Variants in SETBP1 observed in about 807,000 individuals in gnomAD.
SETBP1 encodes the protein SET-binding protein.
A neutral mutation model predicts 101.0 loss-of-function variants in SETBP1; 9 were observed. That is an observed-to-expected ratio of 0.09 (90% CI 0.05 to 0.16). The LOEUF (loss-of-function observed/expected upper bound fraction) is 0.16. Among genes scored for constraint, SETBP1 ranks in the 10% least tolerant of loss-of-function variants. The pLI is 1.00. For synonymous variants in SETBP1, 818 were observed against 788.5 expected (o/e 1.04, Z -0.63); for missense variants, 1,858 against 2,033.8 (o/e 0.91, Z 1.66).
chr18:44,983,891 T>C (rs1442069446), intron 4 of SETBP1, among the ~76,000 whole-genome samples: 2 of 152,154 alleles, frequency 1.3e-5, no homozygotes, highest in Non-Finnish European at 2.9e-5. Context: ...CTGGCCATCT[T>C]AGAAAAGGTA....
chr18:44,824,620 T>G (rs1221342150), intron 2 of SETBP1, among the ~76,000 whole-genome samples: 1 of 152,228 alleles, frequency 6.6e-6, no homozygotes, highest in Admixed American at 6.5e-5. Flanking sequence ...ATCTTTCATT[T>G]TAAAAGACCC....
intron 4 of SETBP1, among the ~76,000 whole-genome samples, chr18:45,034,982 G>GAA (rs1437462178): frequency 6.7e-6 from 1 of 149,608 alleles, no homozygotes; most frequent in Non-Finnish European, 1.5e-5. Flanking sequence ...ATGCTGGGAA[G>GAA]AAACGTTTCA....
At position 44,993,277 on chromosome 18, in the gene SETBP1, A is replaced by G. The variant is rs192330680; in HGVS notation, c.4000+39937A>G. Among the ~76,000 whole-genome samples the G allele has an allele frequency of 9.9e-5, 15 of 152,216 alleles. No homozygotes were observed. The East Asian group carries it at 2.9e-3, about 29-fold the overall frequency. ...AAAGAGGCCCAATGTTCTCACATCTATTCAAAGTTACATTACAGGTCTCAG... is the reference window on the plus strand; with the variant it reads ...AAAGAGGCCCAATGTTCTCACATCTGTTCAAAGTTACATTACAGGTCTCAG... On this transcript the variant is annotated intron_variant, in intron 4 of 5. Coordinates refer to ENST00000649279, the MANE Select transcript of SETBP1 (RefSeq NM_015559.3).
intron 2 of SETBP1, among the ~76,000 whole-genome samples, chr18:44,792,774 A>G (rs907377315): frequency 3.3e-5 from 5 of 152,144 alleles, no homozygotes; most frequent in Admixed American, 2.6e-4. Context: ...AACAACCTGA[A>G]TACCACACAC....
chr18:44,758,992 A>G (rs2070573445), intron 2 of SETBP1, among the ~76,000 whole-genome samples: 1 of 152,218 alleles, frequency 6.6e-6, no homozygotes, highest in African/African-American at 2.4e-5. Flanking sequence ...TCTACACCCA[A>G]ACTCTCTTCA....
intron 4 of SETBP1, among the ~76,000 whole-genome samples, chr18:44,955,579 T>A (rs2071464445): frequency 6.6e-6 from 1 of 152,226 alleles, no homozygotes; most frequent in African/African-American, 2.4e-5. Flanking sequence ...AGACAGGTAC[T>A]TTTATTCCTA....
At chr18:44,700,717 G>C (rs922554674) in intron 1 of SETBP1, among the ~76,000 whole-genome samples, 1 of 152,138 alleles carries the variant, frequency 6.6e-6, no homozygotes, top group Admixed American at 6.5e-5. Context: ...CAGGCAGCCT[G>C]GGGGTTGTGC....
At position 44,995,243 on chromosome 18, in the gene SETBP1, G is replaced by A. The variant is rs535998832; in HGVS notation, c.4000+41903G>A. The stretch of plus-strand genomic sequence containing the variant: ...TGCAAGCTCCGCCTCCTGGGTTCAC[G>A]CCATTCTCCTGCCTCAGCCTCCCGA... On this transcript the variant is annotated intron_variant, in intron 4 of 5. Transcript: ENST00000649279. Among the ~76,000 whole-genome samples the A allele has an allele frequency of 1.7e-3, 240 of 144,968 alleles. 2 individuals carry two copies. The highest frequency in any genetic ancestry group is 4.3e-3 in the Admixed American group (59 of 13,736).
chr18:44,989,793 C>T lies in SETBP1; in HGVS notation c.4000+36453C>T, dbSNP rs1366387261. On this transcript the variant is annotated intron_variant, in intron 4 of 5. Coordinates refer to ENST00000649279, the MANE Select transcript of SETBP1 (RefSeq NM_015559.3). ...CTGAGGCAGGAGAATGGCGTGAACCCGGGAGGCGGAGCTTGCAGTGAGCCG... is the reference window on the plus strand; with the variant it reads ...CTGAGGCAGGAGAATGGCGTGAACCTGGGAGGCGGAGCTTGCAGTGAGCCG... Among the ~76,000 whole-genome samples, 103 of 138,590 alleles carry T rather than the reference C, an allele frequency of 7.4e-4. 1 individual carries two copies. The highest frequency in any genetic ancestry group is 4.5e-3 in the South Asian group (19 of 4,220). The allele number at this position is 138,590 out of a possible 152,430, so 90.9% of individuals were successfully genotyped here.
intron 2 of SETBP1, among the ~76,000 whole-genome samples, chr18:44,716,864 G>C (rs1296486870): frequency 1.3e-5 from 2 of 152,140 alleles, no homozygotes; most frequent in African/African-American, 2.4e-5. Flanking sequence ...CCTTATCCAG[G>C]TGAGTCATTC....
chr18:44,961,924 A>C (rs2071620555), intron 4 of SETBP1, among the ~76,000 whole-genome samples: 1 of 152,202 alleles, frequency 6.6e-6, no homozygotes, highest in South Asian at 2.1e-4. Context: ...TTATAGATGA[A>C]AGCCTAACTG....
At chr18:44,762,308 C>A (rs2070669726) in intron 2 of SETBP1, among the ~76,000 whole-genome samples, 1 of 152,148 alleles carries the variant, frequency 6.6e-6, no homozygotes, top group Admixed American at 6.5e-5. Flanking sequence ...TTGGTATTAC[C>A]CTAGGCCCTG....
intron 2 of SETBP1, among the ~76,000 whole-genome samples, chr18:44,860,903 T>C (rs1456170380): frequency 1.3e-5 from 2 of 152,212 alleles, no homozygotes; most frequent in African/African-American, 4.8e-5. Flanking sequence ...TTTACAGAGA[T>C]AAGCTGCTTA....
intron 1 of SETBP1, among the ~76,000 whole-genome samples, chr18:44,698,773 A>G (rs1168365538): frequency 1.3e-5 from 2 of 152,202 alleles, no homozygotes; most frequent in East Asian, 3.8e-4. Flanking sequence ...TCTCTCATCA[A>G]AAGTGTAACT....
chr18:45,030,776 T>C (rs1460664259), intron 4 of SETBP1, among the ~76,000 whole-genome samples: 1 of 151,166 alleles, frequency 6.6e-6, no homozygotes, highest in Non-Finnish European at 1.5e-5. Flanking sequence ...CCATTTCTTC[T>C]AGATTTTCTA....
At chr18:44,868,700 ACGGAAGGAAGG>A (rs1568190442) in intron 2 of SETBP1, among the ~76,000 whole-genome samples, 996 of 32,784 alleles carry the variant, frequency 0.03, 57 homozygotes, top group Middle Eastern at 0.043. Flanking sequence ...GAGAGAGAGG[ACGGAAGGAAGG>A]GAGGAAGGAA....
rs1018964459 is a variant in SETBP1 at position 45,066,152 on chromosome 18, G to C, written c.*2454G>C. On this transcript the variant is annotated 3_prime_UTR_variant, in exon 6 of 6. Coordinates refer to ENST00000649279, the MANE Select transcript of SETBP1 (RefSeq NM_015559.3). Reference sequence around the variant, plus strand: ...AAAGTTTACTTGACATTAACCTCTAGTAGGTGAGAAATTCCAAAAAAGCTT... The same window carrying C: ...AAAGTTTACTTGACATTAACCTCTACTAGGTGAGAAATTCCAAAAAAGCTT... 9 of 152,158 alleles carry C rather than the reference G, an allele frequency of 5.9e-5. No individual in the cohort carries two copies. The highest frequency in any genetic ancestry group is 2.2e-4 in the African/African-American group (9 of 41,424). 9.4% of individuals were successfully genotyped at this position (152,158 alleles called of 1,614,324 possible). A position where few individuals can be genotyped will look rare whatever the true frequency, so the allele number is the denominator to read the frequency against.
At chr18:44,876,569 A>C in intron 3 of SETBP1, 2 of 1,549,588 alleles carry the variant, frequency 1.3e-6, no homozygotes, top group East Asian at 2.4e-5. Context: ...TTCTAGATTA[A>C]AGACTCCAGT....
At chr18:44,895,860 A>G (rs946539231) in intron 3 of SETBP1, among the ~76,000 whole-genome samples, 1 of 152,062 alleles carries the variant, frequency 6.6e-6, no homozygotes, top group East Asian at 1.9e-4. Context: ...TTTTTGCATT[A>G]TGAGCTATTT....
Sources: allele counts gnomAD v4.1 joint callset (sites outside exome capture counted in the v4.1 genomes callset), GRCh38; gene constraint gnomAD v4.1.1; transcripts MANE v1.5; gene names NCBI Gene and HGNC (gene_info 2026-07-23, HGNC 2026-07-21).